KLHL26: variants seen among roughly 807,000 people sequenced by gnomAD.
The protein encoded by KLHL26 is kelch-like protein 26.
In KLHL26, 4 loss-of-function variants were observed where a neutral mutation model predicts 7.1. The observed-to-expected ratio is 0.56, with a 90% confidence interval of 0.28 to 1.28. KLHL26 has a LOEUF of 1.28. Among genes scored for constraint, KLHL26 ranks in the 50% most tolerant of loss-of-function variants. The pLI, the probability that KLHL26 is intolerant of heterozygous loss-of-function variation, is 0.11. For missense variants in KLHL26, 896 were observed against 924.6 expected, an observed-to-expected ratio of 0.97 and a Z score of 0.40; for synonymous variants, 465 against 414.1, an observed-to-expected ratio of 1.12 and a Z score of -1.49.
Position 18,645,914 on chromosome 19 carries a change from C to T in KLHL26, c.83+8777C>T, listed in dbSNP as rs546639085. On this transcript the variant is annotated intron_variant, in intron 1 of 2. Transcript: ENST00000300976. ...AAAGTTGTGGCCGAGACGCTGCGCC[C>T]GGTGGGTTTGTCACAGTCAGTCTGG... 3.2e-4 allele frequency among the ~76,000 whole-genome samples: 48 copies of T among 152,198 alleles called. No homozygotes were observed. In the South Asian group the frequency reaches 8.3e-3, roughly 26 times the overall value.
chr19:18,653,535 A>C (rs1600694848), intron 1 of KLHL26, among the ~76,000 whole-genome samples: 1 of 34,896 alleles, frequency 2.9e-5, no homozygotes, highest in Admixed American at 4.4e-4. Flanking sequence ...CCACCCATCC[A>C]CCCACCCTTC....
chr19:18,643,774 G>A (rs995034844), intron 1 of KLHL26, among the ~76,000 whole-genome samples: 3 of 151,936 alleles, frequency 2.0e-5, no homozygotes, highest in South Asian at 2.1e-4. Context: ...CACTGTGTCC[G>A]GCCAAGATGG....
chr19:18,666,427 C>T (rs2052448553), intron 2 of KLHL26, among the ~76,000 whole-genome samples: 2 of 152,324 alleles, frequency 1.3e-5, no homozygotes, highest in African/African-American at 4.8e-5. Context: ...CATGCCATTG[C>T]GCCTCCTGGA....
intron 1 of KLHL26, among the ~76,000 whole-genome samples, chr19:18,640,727 C>T (rs1434741329): frequency 2.0e-5 from 3 of 151,440 alleles, no homozygotes; most frequent in Non-Finnish European, 4.4e-5. Context: ...TTAGTAGAGA[C>T]GGGGTTTTGC....
At chr19:18,643,886 G>C (rs1443969646) in intron 1 of KLHL26, among the ~76,000 whole-genome samples, 1 of 152,116 alleles carries the variant, frequency 6.6e-6, no homozygotes, top group Non-Finnish European at 1.5e-5. Flanking sequence ...GAACCACTAT[G>C]CCCAACCTGT....
At chr19:18,654,218 C>T (rs1237464747) in intron 1 of KLHL26, among the ~76,000 whole-genome samples, 5 of 129,584 alleles carry the variant, frequency 3.9e-5, no homozygotes, top group African/African-American at 1.5e-4. Context: ...TGTCACCCAT[C>T]CATCTGCCCT....
At position 18,655,831 on chromosome 19, in the gene KLHL26, C is replaced by T. The variant is rs140502504; in HGVS notation, c.84-8430C>T. 4.5e-3 allele frequency among the ~76,000 whole-genome samples: 580 copies of T among 129,670 alleles called. 11 individuals carry two copies. Among genetic ancestry groups the T allele is most frequent in the Admixed American group, 0.035 (471 of 13,558 alleles). 85.1% of individuals were successfully genotyped at this position (129,670 alleles called of 152,430 possible). ...GAGTTTGGCAAGTCCGGGATGGGGG[C>T]GCTGTGCATAATGTCTTCCTGTCCA... On this transcript the variant is annotated intron_variant, in intron 1 of 2. Transcript: ENST00000300976.
intron 1 of KLHL26, among the ~76,000 whole-genome samples, chr19:18,647,655 G>C (rs1273569899): frequency 6.6e-6 from 1 of 151,768 alleles, no homozygotes; most frequent in Non-Finnish European, 1.5e-5. Flanking sequence ...GGAGGAAAGA[G>C]AGAGGAGGAG....
In KLHL26 at chr19:18,668,900, C is replaced by T. The variant is rs367678102; in HGVS notation, c.1503C>T (p.His501=). 27 of 1,603,190 alleles carry T rather than the reference C, an allele frequency of 1.7e-5. No homozygotes were observed. In the African/African-American group the frequency reaches 1.9e-4, roughly 11 times the overall value. ...KAPMSEPRVL[H]AMVGAGGRIY... ...CCATGAGCGAACCCCGCGTGCTACA[C>T]GCCATGGTGGGTGCCGGCGGCCGCA... Residue 501 remains histidine, a synonymous_variant, in exon 3 of 3, where the codon CAC becomes CAT. Coordinates refer to ENST00000300976, the MANE Select transcript of KLHL26 (RefSeq NM_018316.3).
chr19:18,653,085 A>G (rs2052277739), intron 1 of KLHL26, among the ~76,000 whole-genome samples: 2 of 152,112 alleles, frequency 1.3e-5, no homozygotes, highest in Non-Finnish European at 2.9e-5. Flanking sequence ...ACCATGATGC[A>G]GATGGGGAGA....
intron 1 of KLHL26, among the ~76,000 whole-genome samples, chr19:18,662,091 T>C (rs2052397266): frequency 6.6e-6 from 1 of 152,138 alleles, no homozygotes; most frequent in Non-Finnish European, 1.5e-5. Context: ...AAGAGCATGG[T>C]AAATATGCTC....
Position 18,669,340 on chromosome 19 carries a change from T to C in KLHL26, c.*95T>C. 1.0e-6 allele frequency: 1 copy of C among 995,880 alleles called. No individual in the cohort carries two copies. The highest frequency in any genetic ancestry group is 1.5e-6 in the Non-Finnish European group (1 of 665,862). 61.7% of individuals were successfully genotyped at this position (995,880 alleles called of 1,614,324 possible). On this transcript the variant is annotated 3_prime_UTR_variant, in exon 3 of 3. Transcript: ENST00000300976. The stretch of plus-strand genomic sequence containing the variant: ...TGCCTGAGAACCCCAGTGCCCCCCT[T>C]CGCCCGGGCTGCCCTTGAGGGGCCT...
chr19:18,645,644 T>C (rs1245348517), intron 1 of KLHL26, among the ~76,000 whole-genome samples: 1 of 152,022 alleles, frequency 6.6e-6, no homozygotes, highest in Non-Finnish European at 1.5e-5. Flanking sequence ...AAACCCCCTC[T>C]CTACTAAAAA....
chr19:18,660,125 G>A (rs1389184645), intron 1 of KLHL26, among the ~76,000 whole-genome samples: 1 of 152,212 alleles, frequency 6.6e-6, no homozygotes, highest in African/African-American at 2.4e-5. Flanking sequence ...AGGCTCCCTG[G>A]ATGTTAGCCC....
chr19:18,664,474 G>A (rs375221813), intron 2 of KLHL26, 31 bp downstream of exon 2: 36 of 1,517,882 alleles, frequency 2.4e-5, no homozygotes, highest in East Asian at 9.2e-5. Context: ...GCTGGAAGGG[G>A]CGGCTGCCTG....
Position 18,659,014 on chromosome 19 carries a change from C to T in KLHL26, c.84-5247C>T, listed in dbSNP as rs555514648. Among the ~76,000 whole-genome samples the T allele has an allele frequency of 4.6e-5, 7 of 151,894 alleles. No individual in the cohort carries two copies. The South Asian group carries it at 6.3e-4, about 14-fold the overall frequency. The stretch of plus-strand genomic sequence containing the variant: ...CTGGGTCTCTGTCTACCTTTCTCTG[C>T]GTCCCTGTTCCCCTCTGGGTCTCTG... On this transcript the variant is annotated intron_variant, in intron 1 of 2. Transcript: ENST00000300976.
chr19:18,652,222 G>A (rs1490076807), intron 1 of KLHL26, among the ~76,000 whole-genome samples: 2 of 152,132 alleles, frequency 1.3e-5, no homozygotes, highest in Admixed American at 6.5e-5. Context: ...GGTGGATCCT[G>A]AAGGATCACA....
intron 1 of KLHL26, chr19:18,644,491 TTG>T (rs1031609396): frequency 5.3e-5 from 8 of 152,200 alleles, no homozygotes; most frequent in Admixed American, 4.6e-4. Flanking sequence ...ACGTTATTTG[TTG>T]TGTTTCTCTG....
chr19:18,667,802 C>T lies in KLHL26; in HGVS notation c.405C>T (p.Asp135=). ...CACTGGACCTGGACTGCGTGCAGGA[C>T]GTGCTGGGCGCGGCCGTGTTCTTGC... The part of the protein sequence containing the change: ...EVTLDLDCVQ[D]VLGAAVFLQM... The change falls in exon 3 of 3, where the codon GAC becomes GAT. Residue 135 remains aspartate, a synonymous_variant. Coordinates refer to ENST00000300976, the MANE Select transcript of KLHL26 (RefSeq NM_018316.3). 4 of 1,613,420 alleles carry T rather than the reference C, an allele frequency of 2.5e-6. No homozygotes were observed. Among genetic ancestry groups the T allele is most frequent in the East Asian group, 2.2e-5 (1 of 44,886 alleles).
Sources: gnomAD v4.1 joint callset for allele counts (sites outside exome capture counted in the v4.1 genomes callset) on GRCh38, gnomAD v4.1.1 for gene constraint, MANE v1.5 for transcripts, NCBI Gene and HGNC (gene_info 2026-07-23, HGNC 2026-07-21) for gene names.